SPATA16: variants seen among roughly 807,000 people sequenced by gnomAD.
SPATA16 encodes spermatogenesis associated 16, also known as spermatogenesis-associated protein 16.
SPATA16 carries 36 observed loss-of-function variants against 63.3 expected under a neutral mutation model. The observed-to-expected ratio is 0.57, with a 90% CI of 0.44 to 0.75. The LOEUF (loss-of-function observed/expected upper bound fraction) is 0.75, where lower values mean the gene tolerates loss of function less well. SPATA16 is among the 30% of genes least tolerant of loss of function. The pLI, the probability that SPATA16 is intolerant of heterozygous loss-of-function variation, is 0.00. For missense variants in SPATA16, 646 were observed against 679.3 expected, an observed-to-expected ratio of 0.95 and a Z score of 0.54; for synonymous variants, 203 against 216.7, an observed-to-expected ratio of 0.94 and a Z score of 0.56.
In SPATA16 at chr3:173,117,126, T is replaced by C. The variant is rs912575351; in HGVS notation, c.606A>G (p.Ala202=). ...ATTTTCTTTAATCCCATACCTCAAG[T>C]GCTGTTCTGAACTGTCCTGCTGCCA... ...YALAAGQFRT[A]LELCSKGAVL... Residue 202 remains alanine, a synonymous_variant, in exon 2 of 11, where the codon GCA becomes GCG. Coordinates refer to ENST00000351008, the MANE Select transcript of SPATA16 (RefSeq NM_031955.6). 1 of 1,614,096 alleles carries C rather than the reference T, an allele frequency of 6.2e-7. No homozygotes were observed. The highest frequency in any genetic ancestry group is 8.5e-7 in the Non-Finnish European group (1 of 1,179,948).
intron 6 of SPATA16, among the ~76,000 whole-genome samples, chr3:172,952,595 C>A (rs1458013572): frequency 6.6e-6 from 1 of 152,006 alleles, no homozygotes; most frequent in Non-Finnish European, 1.5e-5. Flanking sequence ...AAATCTTCAT[C>A]TAATTGGAAG....
chr3:172,992,015 A>G (rs1157241333), intron 4 of SPATA16, among the ~76,000 whole-genome samples: 1 of 152,184 alleles, frequency 6.6e-6, no homozygotes. Flanking sequence ...TTTACAGGGT[A>G]GTCTCGCCTT....
At chr3:173,113,616 A>T (rs1737807882) in intron 2 of SPATA16, among the ~76,000 whole-genome samples, 1 of 152,220 alleles carries the variant, frequency 6.6e-6, no homozygotes, top group Non-Finnish European at 1.5e-5. Flanking sequence ...TGTTATCATA[A>T]ATTTACCTAT....
intron 10 of SPATA16, among the ~76,000 whole-genome samples, chr3:172,892,125 C>A (rs549904384): frequency 6.6e-6 from 1 of 152,258 alleles, no homozygotes; most frequent in South Asian, 2.1e-4. Context: ...AGAAGGCATT[C>A]TTTTCTTCTA....
chr3:173,032,387 A>G (rs936136168), intron 3 of SPATA16, among the ~76,000 whole-genome samples: 3 of 152,130 alleles, frequency 2.0e-5, no homozygotes, highest in Admixed American at 1.3e-4. Context: ...TATCTTCTTT[A>G]TAGAGCTAGT....
At chr3:172,982,537 G>A (rs1472500284) in intron 4 of SPATA16, among the ~76,000 whole-genome samples, 1 of 152,096 alleles carries the variant, frequency 6.6e-6, no homozygotes, top group East Asian at 1.9e-4. Flanking sequence ...CATATGTTAA[G>A]TATAAAAGGG....
chr3:173,125,615 T>G (rs1738206008), intron 1 of SPATA16, among the ~76,000 whole-genome samples: 1 of 152,262 alleles, frequency 6.6e-6, no homozygotes, highest in Non-Finnish European at 1.5e-5. Flanking sequence ...CTGTGTTTTT[T>G]ATGTTATTCA....
chr3:173,067,213 T>C (rs1262172000), intron 2 of SPATA16, among the ~76,000 whole-genome samples: 1 of 151,914 alleles, frequency 6.6e-6, no homozygotes, highest in African/African-American at 2.4e-5. Context: ...AGATGCCCAA[T>C]AACAGTGGAC....
chr3:172,953,187 G>A (rs1174039598), intron 6 of SPATA16, among the ~76,000 whole-genome samples: 1 of 152,028 alleles, frequency 6.6e-6, no homozygotes, highest in African/African-American at 2.4e-5. Flanking sequence ...CCTTTCTTAG[G>A]AGCAGTTGTA....
rs187529630 is a variant in SPATA16 at position 173,069,147 on chromosome 3, A to C, written c.613-20053T>G. Among the ~76,000 whole-genome samples the C allele has an allele frequency of 2.7e-3, 409 of 151,728 alleles. 1 individual carries two copies. The highest frequency in any genetic ancestry group is 4.1e-3 in the Non-Finnish European group (277 of 67,938). On this transcript the variant is annotated intron_variant, in intron 2 of 10. Transcript: ENST00000351008. ...AAAAAGAAAGAAAGAAATACAGTTC[A>C]TAGCAGAAATAAGTGAAATTGAGAC...
At chr3:172,912,117 A>T (rs1181986493) in intron 10 of SPATA16, among the ~76,000 whole-genome samples, 1 of 152,220 alleles carries the variant, frequency 6.6e-6, no homozygotes, top group Non-Finnish European at 1.5e-5. Flanking sequence ...TTTAAAAAAC[A>T]CTTCAGTACG....
chr3:173,003,678 A>G (rs535920141), intron 4 of SPATA16, among the ~76,000 whole-genome samples: 2 of 152,350 alleles, frequency 1.3e-5, no homozygotes, highest in South Asian at 2.1e-4. Context: ...ATGACAGTCC[A>G]GGAACATACT....
At chr3:172,904,618 T>A (rs986394669) in intron 10 of SPATA16, among the ~76,000 whole-genome samples, 1 of 152,180 alleles carries the variant, frequency 6.6e-6, no homozygotes. Flanking sequence ...AGGTGCAAAG[T>A]GGGTGATTAG....
chr3:173,069,645 A>G (rs188488610), intron 2 of SPATA16, among the ~76,000 whole-genome samples: 2 of 152,366 alleles, frequency 1.3e-5, no homozygotes, highest in East Asian at 3.9e-4. Context: ...TGAGGTCAGT[A>G]TCACTCTGAT....
At chr3:172,930,601 C>G (rs1207297799) in intron 6 of SPATA16, among the ~76,000 whole-genome samples, 1 of 146,394 alleles carries the variant, frequency 6.8e-6, no homozygotes, top group African/African-American at 2.5e-5. Flanking sequence ...CTCTGTCGCC[C>G]AGGCTGGAGT....
chr3:173,004,902 T>G lies in SPATA16; in HGVS notation c.848+14584A>C, dbSNP rs144427794. Among the ~76,000 whole-genome samples the G allele has an allele frequency of 9.2e-5, 14 of 152,338 alleles. 1 individual carries two copies. In the East Asian group the frequency reaches 2.7e-3, roughly 29 times the overall value. ...TGTCATAATTTTAGTATTTGCAGAC[T>G]AAACAAATTCACTTGGCAACACTTA... On this transcript the variant is annotated intron_variant, in intron 4 of 10. Transcript: ENST00000351008.
chr3:172,974,450 T>C (rs1366697127), intron 5 of SPATA16, among the ~76,000 whole-genome samples: 2 of 151,992 alleles, frequency 1.3e-5, no homozygotes, highest in Middle Eastern at 3.2e-3. Context: ...GTGGGGCATA[T>C]GTATCTTTAA....
chr3:173,125,769 A>T (rs977205891), intron 1 of SPATA16, among the ~76,000 whole-genome samples: 11 of 152,168 alleles, frequency 7.2e-5, no homozygotes, highest in African/African-American at 2.7e-4. Flanking sequence ...ATTCATATTT[A>T]TATTCCCCCA....
At position 172,925,389 on chromosome 3, in the gene SPATA16, T is replaced by A; in HGVS notation, c.1185A>T (p.Lys395Asn). Residue 395 changes from lysine (K) to asparagine (N), a missense_variant, in exon 7 of 11, where the codon AAA becomes AAT. Transcript: ENST00000351008. ...TCCTGCTTGATATTTTTTCCAAAAATTTTCCATCATCTTTGTTTTTGAACC... is the reference window on the plus strand; with the variant it reads ...TCCTGCTTGATATTTTTTCCAAAAAATTTCCATCATCTTTGTTTTTGAACC... ...TLGFKNKDDG[K>N]FLEKISSRKL... 1.2e-6 allele frequency: 2 copies of A among 1,614,046 alleles called. No individual in the cohort carries two copies. The highest frequency in any genetic ancestry group is 2.2e-5 in the East Asian group (1 of 44,856).
Sources: gnomAD v4.1 joint callset for allele counts (sites outside exome capture counted in the v4.1 genomes callset) on GRCh38, gnomAD v4.1.1 for gene constraint, MANE v1.5 for transcripts, NCBI Gene and HGNC (gene_info 2026-07-23, HGNC 2026-07-21) for gene names.